The following PIK3C2G variants were observed in gnomAD, a reference collection of about 807,000 sequenced individuals.
PIK3C2G encodes the protein phosphatidylinositol-4-phosphate 3-kinase catalytic subunit type 2 gamma.
PIK3C2G carries 168 observed loss-of-function variants against 181.1 expected under a neutral mutation model. That is an observed-to-expected ratio of 0.93 (90% CI 0.82 to 1.05). The LOEUF is 1.05. Ranked by LOEUF, PIK3C2G falls within the 50% of genes least tolerant of loss-of-function variation. The pLI is 0.00. For synonymous variants in PIK3C2G, 573 were observed against 592.2 expected (o/e 0.97, Z 0.47); for missense variants, 1,869 against 1,732.8 (o/e 1.08, Z -1.40).
At chr12:18,686,968 C>T in the PIK3C2G span, among the ~76,000 whole-genome samples, 1 of 151,914 alleles carries the variant, frequency 6.6e-6, no homozygotes, top group Non-Finnish European at 1.5e-5. Flanking sequence ...AATTAAGTTT[C>T]TAAGCATTTT....
chr12:18,301,137 T>G (rs756517264), intron 5 of PIK3C2G, among the ~76,000 whole-genome samples: 2 of 152,172 alleles, frequency 1.3e-5, no homozygotes, highest in Non-Finnish European at 2.9e-5. Flanking sequence ...CTTTTTACAA[T>G]ACTCTTTGTC....
At chr12:18,682,397 G>A in the PIK3C2G span, among the ~76,000 whole-genome samples, 2 of 151,896 alleles carry the variant, frequency 1.3e-5, no homozygotes, top group Non-Finnish European at 2.9e-5. Flanking sequence ...TTTGTGCTGG[G>A]TGCTTTCACA....
chr12:18,250,776 G>C (rs1948088108), intron 1 of PIK3C2G, among the ~76,000 whole-genome samples: 1 of 151,906 alleles, frequency 6.6e-6, no homozygotes, highest in Non-Finnish European at 1.5e-5. Flanking sequence ...TAGAAAAGTA[G>C]GCCAGGCTTA....
intron 11 of PIK3C2G, among the ~76,000 whole-genome samples, chr12:18,348,347 T>TGC (rs1555167562): frequency 1.3e-5 from 2 of 151,968 alleles, no homozygotes; most frequent in African/African-American, 4.8e-5. Flanking sequence ...TGTGTGTGTG[T>TGC]GCGTATGAAT....
upstream of PIK3C2G, among the ~76,000 whole-genome samples, chr12:18,260,393 C>T (rs749386768): frequency 2.0e-5 from 3 of 152,000 alleles, no homozygotes; most frequent in Non-Finnish European, 4.4e-5. Context: ...AATTGCAGCT[C>T]AGGTTATTAT....
the PIK3C2G span, chr12:18,693,102 G>C: frequency 2.6e-6 from 4 of 1,526,548 alleles, no homozygotes; most frequent in Admixed American, 3.3e-5. Context: ...CCCAATGTCA[G>C]TAGGAATCTT....
intron 18 of PIK3C2G, among the ~76,000 whole-genome samples, chr12:18,443,814 A>G (rs1372704069): frequency 2.0e-5 from 3 of 152,212 alleles, no homozygotes; most frequent in African/African-American, 7.2e-5. Context: ...CTAATCATTT[A>G]GACATTAGAA....
chr12:18,497,713 T>C lies in PIK3C2G; in HGVS notation c.2981T>C (p.Ile994Thr), dbSNP rs1456387744. Residue 994 changes from isoleucine to threonine, a missense_variant, in exon 22 of 33, where the codon ATC becomes ACC. Physicochemically the swap from Ile to Thr is moderately conservative, Grantham distance 89. Transcript: ENST00000538779. The stretch of plus-strand genomic sequence containing the variant: ...CAGGAAGGCTTGGATATGCAAATGA[T>C]CATTTATAGATGTCTATCCACAGGA... ...WLQEGLDMQM[I>T]IYRCLSTGKD... is the part of the protein sequence containing the mutation. 1.2e-6 allele frequency: 2 copies of C among 1,612,452 alleles called. No homozygotes were observed. Among genetic ancestry groups the C allele is most frequent in the Non-Finnish European group, 1.7e-6 (2 of 1,178,798 alleles).
intron 12 of PIK3C2G, among the ~76,000 whole-genome samples, chr12:18,363,470 C>A (rs1294145475): frequency 6.6e-6 from 1 of 152,058 alleles, no homozygotes; most frequent in African/African-American, 2.4e-5. Context: ...CCGCACCCAA[C>A]TTAAGCCCTC....
the PIK3C2G span, among the ~76,000 whole-genome samples, chr12:18,700,512 C>CAAAAAAAAAAAAAAAAAAAAAAAAAAA: frequency 1.5e-5 from 1 of 67,898 alleles, no homozygotes; most frequent in Non-Finnish European, 2.5e-5. Flanking sequence ...AGCCAACGTA[C>CAAAAAAAAAAAAAAAAAAAAAAAAAAA]AAAAAAAAAA....
intron 16 of PIK3C2G, among the ~76,000 whole-genome samples, chr12:18,406,416 G>A (rs543986173): frequency 5.9e-5 from 9 of 152,122 alleles, no homozygotes; most frequent in South Asian, 4.2e-4. Context: ...TTACTGGGTC[G>A]TATTTTAATA....
intron 31 of PIK3C2G, among the ~76,000 whole-genome samples, chr12:18,621,536 TTTTA>T (rs1948861777): frequency 6.7e-6 from 1 of 149,506 alleles, no homozygotes; most frequent in Non-Finnish European, 1.5e-5. Context: ...GTATAACATG[TTTTA>T]TATATATATG....
chr12:18,558,302 T>G (rs774026851), intron 26 of PIK3C2G, among the ~76,000 whole-genome samples: 13 of 152,184 alleles, frequency 8.5e-5, no homozygotes, highest in Admixed American at 2.0e-4. Context: ...TCATCCCTAT[T>G]TGGAGAAACC....
At chr12:18,634,980 T>C (rs1477382967) in intron 31 of PIK3C2G, among the ~76,000 whole-genome samples, 1 of 152,156 alleles carries the variant, frequency 6.6e-6, no homozygotes, top group Non-Finnish European at 1.5e-5. Flanking sequence ...GCCAAACCAC[T>C]GGCTGCAACC....
chr12:18,694,219 C>T, the PIK3C2G span: 1 of 620,308 alleles, frequency 1.6e-6, no homozygotes, highest in Non-Finnish European at 2.9e-6. Flanking sequence ...GCAAAACATC[C>T]TGTGTCTTTT....
intron 1 of PIK3C2G, among the ~76,000 whole-genome samples, chr12:18,269,187 T>G (rs1011461867): frequency 6.6e-6 from 1 of 152,078 alleles, no homozygotes; most frequent in African/African-American, 2.4e-5. Flanking sequence ...GCTGGTATTA[T>G]AGGCATAAGC....
In PIK3C2G at chr12:18,286,509, T is replaced by C. The variant is rs538477422; in HGVS notation, c.679-338T>C. Among the ~76,000 whole-genome samples, 8 of 152,182 alleles carry C rather than the reference T, an allele frequency of 5.3e-5. No homozygotes were observed. In the South Asian group the frequency reaches 1.4e-3, roughly 28 times the overall value. On this transcript the variant is annotated intron_variant, in intron 2 of 32. Transcript: ENST00000538779. Reference sequence around the variant, plus strand: ...GAAGCCACAAACAAAAGAATGCATATACATTATTTATGGTGATATAAATCT... The same window carrying C: ...GAAGCCACAAACAAAAGAATGCATACACATTATTTATGGTGATATAAATCT...
intron 18 of PIK3C2G, among the ~76,000 whole-genome samples, chr12:18,452,630 G>T (rs1487092275): frequency 2.0e-5 from 3 of 151,776 alleles, no homozygotes; most frequent in African/African-American, 4.8e-5. Context: ...GTTTGCTCTT[G>T]CTTCTCTAGT....
At chr12:18,366,120 G>A (rs2137830906) in intron 12 of PIK3C2G, among the ~76,000 whole-genome samples, 1 of 152,202 alleles carries the variant, frequency 6.6e-6, no homozygotes, top group South Asian at 2.1e-4. Flanking sequence ...ATCAGTCAAG[G>A]CATGTCATTC....
Sources: allele counts gnomAD v4.1 joint callset (sites outside exome capture counted in the v4.1 genomes callset), GRCh38; gene constraint gnomAD v4.1.1; transcripts MANE v1.5; gene names NCBI Gene and HGNC (gene_info 2026-07-23, HGNC 2026-07-21).